Variants in HOXD13 observed in about 807,000 individuals in gnomAD.
The protein encoded by HOXD13 is homeobox protein Hox-D13.
In HOXD13, 16 loss-of-function variants were observed where a neutral mutation model predicts 27.3. The ratio of observed to expected loss-of-function variants is 0.59; its 90% CI spans 0.40 to 0.89. HOXD13 has a LOEUF of 0.89. HOXD13 is among the 40% of genes least tolerant of loss of function. The pLI is 0.00. For missense variants in HOXD13, 481 were observed against 482.6 expected, an observed-to-expected ratio of 1.00 and a Z score of 0.03; for synonymous variants, 241 against 219.0, an observed-to-expected ratio of 1.10 and a Z score of -0.89.
At position 176,092,793 on chromosome 2, in the gene HOXD13, A is replaced by G; in HGVS notation, c.-98A>G. ...GGGCTAGAGGAAGAGGGCGGGAGCG[A>G]GCGAACCAGAGAGAAAGGAGAGGAG... is the stretch of plus-strand genomic sequence containing the variant. On this transcript the variant is annotated 5_prime_UTR_variant, in exon 1 of 2. Transcript: ENST00000392539. The G allele has an allele frequency of 1.2e-6, 1 of 802,298 alleles. No individual in the cohort carries two copies. The highest frequency in any genetic ancestry group is 1.7e-6 in the Non-Finnish European group (1 of 604,210). The allele number at this position is 802,298 out of a possible 1,614,324, so 49.7% of individuals were successfully genotyped here. A position where few individuals can be genotyped will look rare whatever the true frequency, so the allele number is the denominator to read the frequency against.
rs760041709 is a variant in HOXD13 at position 176,093,354 on chromosome 2, C to G, written c.464C>G (p.Pro155Arg). The G allele has an allele frequency of 1.2e-6, 2 of 1,613,748 alleles. No individual in the cohort carries two copies. Among genetic ancestry groups the G allele is most frequent in the African/African-American group, 1.3e-5 (1 of 75,050 alleles). ...CAGCAGAATGCGCTCAAGTCATCGC[C>G]GCACGCCTCGCTGGGAGGCTTTCCC... ...GLQQNALKSSPHASLGGFPVE... is the reference protein window; with the variant it reads ...GLQQNALKSSRHASLGGFPVE... The change falls in exon 1 of 2, where the codon CCG becomes CGG. Residue 155 changes from proline (P) to arginine (R), a missense_variant. Transcript: ENST00000392539.
upstream of HOXD13, among the ~76,000 whole-genome samples, chr2:176,088,040 C>T (rs1017634894): frequency 4.6e-5 from 7 of 152,262 alleles, no homozygotes; most frequent in African/African-American, 1.7e-4. Context: ...GCTGCCGGAG[C>T]CTGGCTCTCC....
At position 176,095,441 on chromosome 2, in the gene HOXD13, C is replaced by T; in HGVS notation, c.*711C>T. The stretch of plus-strand genomic sequence containing the variant: ...TGTTTTCATAATCTTTAATTTGAAA[C>T]TCATGTGTCCTCATGGATCGTGGAT... On this transcript the variant is annotated 3_prime_UTR_variant, in exon 2 of 2. Transcript: ENST00000392539. 4.4e-6 allele frequency: 1 copy of T among 229,654 alleles called. No homozygotes were observed. Among genetic ancestry groups the T allele is most frequent in the Non-Finnish European group, 8.6e-6 (1 of 115,670 alleles). 14.2% of individuals were successfully genotyped at this position (229,654 alleles called of 1,614,324 possible).
chr2:176,092,868 C>T lies in HOXD13; in HGVS notation c.-23C>T. On this transcript the variant is annotated 5_prime_UTR_variant, in exon 1 of 2. Coordinates refer to ENST00000392539, the MANE Select transcript of HOXD13 (RefSeq NM_000523.4). ...GTCCTGCGCGGGGCCAGGGCCAGGG[C>T]CGGGGCCGGGCCAGGCCGGGCCATG... is the stretch of plus-strand genomic sequence containing the variant. The T allele has an allele frequency of 8.2e-7, 1 of 1,221,762 alleles. No individual in the cohort carries two copies. Among genetic ancestry groups the T allele is most frequent in the Non-Finnish European group, 1.0e-6 (1 of 981,870 alleles). The allele number at this position is 1,221,762 out of a possible 1,614,324, so 75.7% of individuals were successfully genotyped here.
rs1302030946 is a variant in HOXD13, at chr2:176,093,451, C to T, written c.561C>T (p.Ala187=). ...SVPANEVPAR[A]KEVSFYQGYT... ...CGGCCAACGAGGTGCCAGCGCGAGC[C>T]AAGGAGGTATCCTTCTACCAGGGCT... Residue 187 remains alanine, a synonymous_variant, in exon 1 of 2, where the codon GCC becomes GCT. Coordinates refer to ENST00000392539, the MANE Select transcript of HOXD13 (RefSeq NM_000523.4). 6.2e-7 allele frequency: 1 copy of T among 1,613,894 alleles called. No individual in the cohort carries two copies. Among genetic ancestry groups the T allele is most frequent in the Non-Finnish European group, 8.5e-7 (1 of 1,180,026 alleles).
rs1329670996 is a variant in HOXD13 at position 176,094,828 on chromosome 2, CT to C, written c.*99del. ...ATATGTATTTAATTCCCCCCACCCC[CT>C]GCCAATGGTGGCAAATTTTGTGAAT... On this transcript the variant is annotated 3_prime_UTR_variant, in exon 2 of 2. Coordinates refer to ENST00000392539, the MANE Select transcript of HOXD13 (RefSeq NM_000523.4). 4.7e-5 allele frequency: 52 copies of C among 1,112,468 alleles called. No individual in the cohort carries two copies. Among genetic ancestry groups the C allele is most frequent in the Admixed American group, 9.1e-5 (5 of 54,704 alleles). 68.9% of individuals were successfully genotyped at this position (1,112,468 alleles called of 1,614,324 possible). A position where few individuals can be genotyped will look rare whatever the true frequency, so the allele number is the denominator to read the frequency against.
At position 176,093,053 on chromosome 2, in the gene HOXD13, G is replaced by C. The variant is rs765137360; in HGVS notation, c.163G>C (p.Gly55Arg). Residue 55 changes from glycine (G) to arginine (R), a missense_variant, in exon 1 of 2, where the codon GGG becomes CGG. Coordinates refer to ENST00000392539, the MANE Select transcript of HOXD13 (RefSeq NM_000523.4). ...SAPVFAGTHSGRAAAAAAAAA... is the reference protein window; with the variant it reads ...SAPVFAGTHSRRAAAAAAAAA... ...GCCTGTGTTCGCCGGGACGCATTCGGGGCGGGCGGCGGCGGCGGCAGCGGC... is the reference window on the plus strand; with the variant it reads ...GCCTGTGTTCGCCGGGACGCATTCGCGGCGGGCGGCGGCGGCGGCAGCGGC... The C allele has an allele frequency of 9.4e-6, 13 of 1,379,258 alleles. No individual in the cohort carries two copies. In the African/African-American group the frequency reaches 2.0e-4, roughly 21 times the overall value. 85.4% of individuals were successfully genotyped at this position (1,379,258 alleles called of 1,614,324 possible). A position where few individuals can be genotyped will look rare whatever the true frequency, so the allele number is the denominator to read the frequency against.
Position 176,093,130 on chromosome 2 carries a change from T to G in HOXD13, c.240T>G (p.Ser80=). 6.2e-7 allele frequency: 1 copy of G among 1,604,092 alleles called. No homozygotes were observed. Among genetic ancestry groups the G allele is most frequent in the Non-Finnish European group, 8.5e-7 (1 of 1,178,990 alleles). Residue 80 remains serine, a synonymous_variant, in exon 1 of 2, where the codon TCT becomes TCG. Coordinates refer to ENST00000392539, the MANE Select transcript of HOXD13 (RefSeq NM_000523.4). ...CCGGCTTTGCGTACCCCGGGACCTC[T>G]GAGCGCACGGGCTCTTCCTCGTCGT... ...AASGFAYPGT[S]ERTGSSSSSS...
upstream of HOXD13, among the ~76,000 whole-genome samples, chr2:176,091,984 G>A (rs1689326881): frequency 1.3e-5 from 2 of 152,192 alleles, no homozygotes; most frequent in Admixed American, 6.5e-5. Context: ...AGAGCGTTGA[G>A]TAGGCATCCA....
rs1406193268 is a variant in HOXD13, at chr2:176,093,317, G to C, written c.427G>C (p.Gly143Arg). The C allele has an allele frequency of 1.2e-6, 2 of 1,612,956 alleles. No homozygotes were observed. Among genetic ancestry groups the C allele is most frequent in the East Asian group, 2.2e-5 (1 of 44,866 alleles). ...NGYYSCRMSHGVGLQQNALKS... is the reference protein window; with the variant it reads ...NGYYSCRMSHRVGLQQNALKS... ...CTACTACAGCTGCCGTATGTCGCAC[G>C]GCGTGGGCTTACAGCAGAATGCGCT... is the stretch of plus-strand genomic sequence containing the variant. The change falls in exon 1 of 2, where the codon GGC (glycine) becomes CGC (arginine). Residue 143 changes from glycine to arginine, a missense_variant. Coordinates refer to ENST00000392539, the MANE Select transcript of HOXD13 (RefSeq NM_000523.4).
the HOXD13 span, among the ~76,000 whole-genome samples, chr2:176,087,509 C>T: frequency 6.6e-6 from 1 of 152,266 alleles, no homozygotes; most frequent in Non-Finnish European, 1.5e-5. Flanking sequence ...CCTGTCTCGA[C>T]CTTCCAAAGT....
upstream of HOXD13, among the ~76,000 whole-genome samples, chr2:176,092,016 G>C (rs958991398): frequency 6.6e-6 from 1 of 152,132 alleles, no homozygotes; most frequent in African/African-American, 2.4e-5. Flanking sequence ...TTCTGGGACA[G>C]ATTGTCAGGC....
At chr2:176,090,025 C>T (rs1278068540), upstream of HOXD13, among the ~76,000 whole-genome samples, 1 of 152,250 alleles carries the variant, frequency 6.6e-6, no homozygotes, top group African/African-American at 2.4e-5. Flanking sequence ...CCTCAAAATT[C>T]CTCCTCTACC....
Position 176,094,866 on chromosome 2 carries a change from C to A in HOXD13, c.*136C>A. ...CAAATTTTGTGAATTGTTTTTCTCT[C>A]TTCCCCTTATCTGGCTCTAAAACCT... On this transcript the variant is annotated 3_prime_UTR_variant, in exon 2 of 2. Transcript: ENST00000392539. 1 of 743,338 alleles carries A rather than the reference C, an allele frequency of 1.3e-6. No homozygotes were observed. The highest frequency in any genetic ancestry group is 2.4e-6 in the Non-Finnish European group (1 of 425,036). 46.0% of individuals were successfully genotyped at this position (743,338 alleles called of 1,614,324 possible).
At chr2:176,092,105 A>C (rs1240775164), upstream of HOXD13, among the ~76,000 whole-genome samples, 2 of 152,092 alleles carry the variant, frequency 1.3e-5, no homozygotes, top group East Asian at 3.9e-4. Flanking sequence ...CATTTTCCGA[A>C]CGGACAGCGT....
chr2:176,094,968 A>C lies in HOXD13; in HGVS notation c.*238A>C. The C allele has an allele frequency of 1.9e-6, 1 of 531,086 alleles. No homozygotes were observed. Among genetic ancestry groups the C allele is most frequent in the Non-Finnish European group, 3.4e-6 (1 of 295,962 alleles). 32.9% of individuals were successfully genotyped at this position (531,086 alleles called of 1,614,324 possible). A position where few individuals can be genotyped will look rare whatever the true frequency, so the allele number is the denominator to read the frequency against. ...GTTTTGTTCTTGCCTAGGGTTTTTA[A>C]AATATCTGTTTTTAATGTTTTGTTT... On this transcript the variant is annotated 3_prime_UTR_variant, in exon 2 of 2. Transcript: ENST00000392539.
chr2:176,094,622 T>C lies in HOXD13; in HGVS notation c.924T>C (p.Arg308=), dbSNP rs1290575866. 1.9e-6 allele frequency: 3 copies of C among 1,613,958 alleles called. No homozygotes were observed. Among genetic ancestry groups the C allele is most frequent in the African/African-American group, 2.7e-5 (2 of 74,920 alleles). The change falls in exon 2 of 2, where the codon CGT becomes CGC. Residue 308 remains arginine, a synonymous_variant. Coordinates refer to ENST00000392539, the MANE Select transcript of HOXD13 (RefSeq NM_000523.4). ...TCATTAACAAGGACAAGCGGCGGCG[T>C]ATCTCGGCTGCTACGAACCTATCTG... ...NKFINKDKRR[R]ISAATNLSER...
At chr2:176,091,995 T>C (rs555140119), upstream of HOXD13, among the ~76,000 whole-genome samples, 1 of 152,172 alleles carries the variant, frequency 6.6e-6, no homozygotes, top group South Asian at 2.1e-4. Flanking sequence ...TAGGCATCCA[T>C]GGACTTTTCT....
upstream of HOXD13, among the ~76,000 whole-genome samples, chr2:176,091,788 G>T (rs2105377317): frequency 6.6e-6 from 1 of 152,190 alleles, no homozygotes; most frequent in African/African-American, 2.4e-5. Context: ...GGGCGGGAGT[G>T]GGTGGTGACT....
Sources: allele counts gnomAD v4.1 joint callset (sites outside exome capture counted in the v4.1 genomes callset), GRCh38; gene constraint gnomAD v4.1.1; transcripts MANE v1.5; gene names NCBI Gene and HGNC (gene_info 2026-07-23, HGNC 2026-07-21).